The following NR2C2 variants were observed in gnomAD, a reference collection of about 807,000 sequenced individuals.
NR2C2 encodes the protein Nuclear hormone receptor TR4.
A neutral mutation model predicts 62.9 loss-of-function variants in NR2C2; 6 were observed. That is an observed-to-expected ratio of 0.10 (90% CI 0.05 to 0.19). The LOEUF (loss-of-function observed/expected upper bound fraction) is 0.19, where lower values mean the gene tolerates loss of function less well. Among genes scored for constraint, NR2C2 ranks in the 10% least tolerant of loss-of-function variants. The probability of loss-of-function intolerance (pLI) is 1.00; values close to 1 mark genes in which losing one functional copy is unlikely to be tolerated. For missense variants in NR2C2, 479 were observed against 762.7 expected (o/e 0.63, Z 4.38); for synonymous variants, 272 against 273.8 (o/e 0.99, Z 0.07).
At position 15,032,382 on chromosome 3, in the gene NR2C2, A is replaced by G; in HGVS notation, c.1114A>G (p.Thr372Ala). 2.5e-6 allele frequency: 4 copies of G among 1,614,170 alleles called. No individual in the cohort carries two copies. The highest frequency in any genetic ancestry group is 3.4e-6 in the Non-Finnish European group (4 of 1,180,006). ...CCATGTGCCTCCTCTTTTCCAGCTA[A>G]CAATGCCCAGTCCAATGCCAGAGTA... ...LSDTHVTFKL[T>A]MPSPMPEYLN... Residue 372 changes from threonine (T) to alanine (A), a missense_variant, in exon 10 of 14, where the codon ACA (threonine) becomes GCA (alanine). This residue lies in a region of NR2C2 where 162 missense variants were observed against 296.8 expected (regional missense o/e 0.55). Transcript: ENST00000425241.
At chr3:15,015,473 T>A (rs1232098044) in intron 3 of NR2C2, among the ~76,000 whole-genome samples, 1 of 152,202 alleles carries the variant, frequency 6.6e-6, no homozygotes, top group Non-Finnish European at 1.5e-5. Flanking sequence ...AAAGTTTGGT[T>A]ATTTCTCTGC....
At position 15,042,840 on chromosome 3, in the gene NR2C2, C is replaced by T. The variant is rs771552565; in HGVS notation, c.1623C>T (p.Ala541=). 13 of 1,613,716 alleles carry T rather than the reference C, an allele frequency of 8.1e-6. No homozygotes were observed. The highest frequency in any genetic ancestry group is 1.0e-5 in the Non-Finnish European group (12 of 1,179,818). ...KTYSEDTYRL[A]RILVRLPALR... ...ATGACACTCCCTTTTATAGATTGGCCCGGATCCTCGTTCGCCTGCCGGCAC... is the reference window on the plus strand; with the variant it reads ...ATGACACTCCCTTTTATAGATTGGCTCGGATCCTCGTTCGCCTGCCGGCAC... The change falls in exon 14 of 14, where the codon GCC becomes GCT. Residue 541 remains alanine (A), a synonymous_variant. Transcript: ENST00000425241.
chr3:15,024,211 G>A lies in NR2C2; in HGVS notation c.798+3G>A. The A allele has an allele frequency of 6.3e-7, 1 of 1,597,346 alleles. No homozygotes were observed. The highest frequency in any genetic ancestry group is 1.1e-5 in the South Asian group (1 of 88,934). ...TTCTCCTGGCCACGGATTCTAAGGT[G>A]ACGTTCTCTACTCATGCTCTCTCTC... On this transcript the variant is annotated splice_donor_region_variant and intron_variant, in intron 7 of 13. Coordinates refer to ENST00000425241, the MANE Select transcript of NR2C2 (RefSeq NM_001291694.2).
intron 1 of NR2C2, among the ~76,000 whole-genome samples, chr3:14,967,035 T>C (rs1279318999): frequency 6.6e-6 from 1 of 152,360 alleles, no homozygotes; most frequent in South Asian, 2.1e-4. Context: ...ATTCAGTCTT[T>C]ACTTGTTACA....
At chr3:15,005,291 A>T (rs1375204318) in intron 2 of NR2C2, among the ~76,000 whole-genome samples, 2 of 149,322 alleles carry the variant, frequency 1.3e-5, no homozygotes, top group Non-Finnish European at 3.0e-5. Context: ...GGCTCAAGCC[A>T]TCCTCCCATC....
At chr3:14,995,183 T>A (rs1357173001) in intron 1 of NR2C2, among the ~76,000 whole-genome samples, 1 of 151,322 alleles carries the variant, frequency 6.6e-6, no homozygotes, top group East Asian at 2.0e-4. Context: ...AATTTTTTAA[T>A]AGAGACCAAG....
At chr3:15,005,023 G>T (rs977412325) in intron 2 of NR2C2, among the ~76,000 whole-genome samples, 48 of 152,088 alleles carry the variant, frequency 3.2e-4, no homozygotes, top group Admixed American at 3.1e-3. Flanking sequence ...AAAGTGCTGG[G>T]ATTACAGGCA....
intron 1 of NR2C2, among the ~76,000 whole-genome samples, chr3:14,977,129 T>C (rs1431534510): frequency 6.6e-6 from 1 of 152,198 alleles, no homozygotes. Flanking sequence ...TCTCTTGAAC[T>C]AATCCTTTCA....
intron 1 of NR2C2, among the ~76,000 whole-genome samples, chr3:14,957,172 G>A (rs896949329): frequency 1.3e-5 from 2 of 152,188 alleles, no homozygotes; most frequent in African/African-American, 4.8e-5. Flanking sequence ...TAGATACTTT[G>A]CATGTTATAT....
chr3:15,001,137 A>G (rs936259505), intron 1 of NR2C2, among the ~76,000 whole-genome samples: 9 of 151,608 alleles, frequency 5.9e-5, no homozygotes, highest in South Asian at 2.1e-4. Context: ...TAAATTTCTC[A>G]TAGCAATATC....
chr3:14,951,858 C>T (rs1370872320), intron 1 of NR2C2, among the ~76,000 whole-genome samples: 1 of 152,150 alleles, frequency 6.6e-6, no homozygotes, highest in African/African-American at 2.4e-5. Context: ...CGCCATTCTT[C>T]TGCCTCCGCC....
intron 1 of NR2C2, among the ~76,000 whole-genome samples, chr3:14,993,932 G>A (rs748120): frequency 0.27 from 40,753 of 152,008 alleles, 6,214 homozygotes; most frequent in African/African-American, 0.4. Context: ...AAAGCCAAGG[G>A]ACAGCAGTCT....
chr3:14,988,695 A>G (rs540980282), intron 1 of NR2C2, among the ~76,000 whole-genome samples: 2 of 152,194 alleles, frequency 1.3e-5, no homozygotes, highest in Admixed American at 6.5e-5. Context: ...GAAGGGACTT[A>G]TAGTCAAAGG....
At chr3:14,986,012 T>C (rs2040504700) in intron 1 of NR2C2, among the ~76,000 whole-genome samples, 1 of 152,120 alleles carries the variant, frequency 6.6e-6, no homozygotes, top group Non-Finnish European at 1.5e-5. Flanking sequence ...ATTAACTAGA[T>C]CAGTTATTAA....
At chr3:14,969,134 A>T (rs1574940638) in intron 1 of NR2C2, among the ~76,000 whole-genome samples, 1 of 152,174 alleles carries the variant, frequency 6.6e-6, no homozygotes, top group South Asian at 2.1e-4. Context: ...CTTAAAGTAT[A>T]GTAATAATAA....
At chr3:14,972,014 G>A (rs570383605) in intron 1 of NR2C2, among the ~76,000 whole-genome samples, 14 of 151,446 alleles carry the variant, frequency 9.2e-5, no homozygotes, top group African/African-American at 3.4e-4. Context: ...TCTCCGTGTT[G>A]GTCAGGCTGG....
chr3:14,991,276 T>C (rs1171413820), intron 1 of NR2C2, among the ~76,000 whole-genome samples: 1 of 152,226 alleles, frequency 6.6e-6, no homozygotes, highest in East Asian at 1.9e-4. Context: ...AACACTGTTA[T>C]TGTAAGGTTC....
At chr3:14,958,041 C>G (rs2039577955) in intron 1 of NR2C2, among the ~76,000 whole-genome samples, 1 of 152,192 alleles carries the variant, frequency 6.6e-6, no homozygotes, top group South Asian at 2.1e-4. Context: ...CATTTCCATT[C>G]TTCCTTCAAG....
intron 1 of NR2C2, among the ~76,000 whole-genome samples, chr3:15,003,394 C>T (rs1037276537): frequency 2.0e-5 from 3 of 152,124 alleles, no homozygotes; most frequent in Non-Finnish European, 4.4e-5. Flanking sequence ...CAGCTCCATC[C>T]CATTGGGGCT....
Sources: gnomAD v4.1 joint callset for allele counts (sites outside exome capture counted in the v4.1 genomes callset) on GRCh38, gnomAD v4.1.1 for gene constraint, gnomAD v4.1.1 regional missense constraint, MANE v1.5 for transcripts, NCBI Gene and HGNC (gene_info 2026-07-23, HGNC 2026-07-21) for gene names.